The following ANKS1B variants were observed in gnomAD, a reference collection of about 807,000 sequenced individuals.
ANKS1B encodes ankyrin repeat and sterile alpha motif domain containing 1B.
ANKS1B carries 36 observed loss-of-function variants against 148.3 expected under a neutral mutation model. The observed-to-expected ratio is 0.24, with a 90% CI of 0.19 to 0.32. The LOEUF is 0.32. Ranked by LOEUF, ANKS1B falls within the 10% of genes least tolerant of loss-of-function variation. The pLI is 1.00. For synonymous variants in ANKS1B, 542 were observed against 560.8 expected (o/e 0.97, Z 0.47); for missense variants, 1,157 against 1,542.6 (o/e 0.75, Z 4.19).
intron 17 of ANKS1B, among the ~76,000 whole-genome samples, chr12:98,869,170 G>A (rs75313057): frequency 6.6e-6 from 1 of 152,134 alleles, no homozygotes; most frequent in Non-Finnish European, 1.5e-5. Flanking sequence ...TAAGCTCCAT[G>A]AGGAAGGAAT....
chr12:99,932,580 T>C lies in ANKS1B; in HGVS notation c.134+51524A>G, dbSNP rs190198887. On this transcript the variant is annotated intron_variant, in intron 1 of 26. Coordinates refer to ENST00000683438, the MANE Select transcript of ANKS1B (RefSeq NM_001352186.2). ...CTGCCATTTGTATGTCTTCTTTTGA[T>C]AAATGTCTTTTCAAATATTTTGCCA... Among the ~76,000 whole-genome samples, 331 of 152,298 alleles carry C rather than the reference T, an allele frequency of 2.2e-3. 1 individual carries two copies. Among genetic ancestry groups the C allele is most frequent in the African/African-American group, 7.7e-3 (319 of 41,574 alleles).
intron 12 of ANKS1B, among the ~76,000 whole-genome samples, chr12:99,249,400 C>A (rs534028287): frequency 6.6e-6 from 1 of 152,120 alleles, no homozygotes; most frequent in South Asian, 2.1e-4. Context: ...AATTACCACC[C>A]CACAATGCTT....
intron 22 of ANKS1B, among the ~76,000 whole-genome samples, chr12:98,798,379 C>T (rs767602079): frequency 4.6e-5 from 7 of 151,930 alleles, no homozygotes; most frequent in Non-Finnish European, 7.4e-5. Flanking sequence ...CCTTGACCTC[C>T]CAAAGTGCTG....
chr12:99,906,500 G>A (rs1287684697), intron 1 of ANKS1B, among the ~76,000 whole-genome samples: 7 of 152,076 alleles, frequency 4.6e-5, no homozygotes, highest in Admixed American at 1.3e-4. Context: ...CTCATTCTCC[G>A]CTGAACGGAA....
chr12:99,531,907 G>A (rs2096997113), intron 9 of ANKS1B, among the ~76,000 whole-genome samples: 1 of 152,178 alleles, frequency 6.6e-6, no homozygotes, highest in Admixed American at 6.5e-5. Context: ...TGACTAGGGT[G>A]ATCTTGTAGC....
intron 8 of ANKS1B, among the ~76,000 whole-genome samples, chr12:99,736,357 A>T (rs1303784642): frequency 8.1e-6 from 1 of 123,650 alleles, no homozygotes; most frequent in Non-Finnish European, 1.7e-5. Context: ...ATCAAAAGAA[A>T]CCACCACAAA....
chr12:99,972,501 A>G (rs1434537944), intron 1 of ANKS1B, among the ~76,000 whole-genome samples: 1 of 152,226 alleles, frequency 6.6e-6, no homozygotes, highest in Non-Finnish European at 1.5e-5. Context: ...CCTTAAGGCA[A>G]AGCCTAATCC....
intron 9 of ANKS1B, chr12:98,735,715 C>T: frequency 9.3e-6 from 6 of 642,778 alleles, no homozygotes; most frequent in South Asian, 7.1e-5. Flanking sequence ...GTACCATGTG[C>T]CTGGCATTGT....
rs564282189 is a variant in ANKS1B at position 98,919,213 on chromosome 12, T to C, written c.2779-87077A>G. 9.2e-5 allele frequency among the ~76,000 whole-genome samples: 14 copies of C among 152,348 alleles called. No homozygotes were observed. The South Asian group carries it at 2.1e-3, about 23-fold the overall frequency. The stretch of plus-strand genomic sequence containing the variant: ...AACTTTTCTGTTCACTTACAATTTA[T>C]TTTGGTGTATTTGAACCTTTATGAA... On this transcript the variant is annotated intron_variant, in intron 17 of 26. Transcript: ENST00000683438.
At chr12:99,182,521 C>T (rs1361365075) in intron 14 of ANKS1B, among the ~76,000 whole-genome samples, 5 of 152,108 alleles carry the variant, frequency 3.3e-5, no homozygotes, top group Non-Finnish European at 5.9e-5. Context: ...CTGAATAGTA[C>T]TCCATTGTGT....
chr12:99,545,125 G>A (rs1424885139), intron 9 of ANKS1B, among the ~76,000 whole-genome samples: 1 of 152,058 alleles, frequency 6.6e-6, no homozygotes, highest in Non-Finnish European at 1.5e-5. Context: ...TATATGATCC[G>A]TTCTTCATGA....
chr12:98,830,675 T>A (rs1039040137), intron 18 of ANKS1B, among the ~76,000 whole-genome samples: 1 of 152,030 alleles, frequency 6.6e-6, no homozygotes, highest in African/African-American at 2.4e-5. Context: ...AGAAAAGAAA[T>A]CAGAAGCAAG....
chr12:99,267,544 A>T (rs1417852576), intron 12 of ANKS1B, among the ~76,000 whole-genome samples: 1 of 122,382 alleles, frequency 8.2e-6, no homozygotes, highest in Non-Finnish European at 1.7e-5. Context: ...ATAAGAAAAT[A>T]AAGATTATTT....
chr12:99,707,552 CA>C (rs1397936630), intron 8 of ANKS1B, among the ~76,000 whole-genome samples: 3 of 151,970 alleles, frequency 2.0e-5, no homozygotes, highest in African/African-American at 7.3e-5. Context: ...CTAATTACAA[CA>C]CATTAAATAT....
intron 10 of ANKS1B, among the ~76,000 whole-genome samples, chr12:99,467,098 A>G (rs1444633966): frequency 3.3e-5 from 5 of 152,244 alleles, no homozygotes; most frequent in Non-Finnish European, 7.3e-5. Flanking sequence ...ACCATGATCA[A>G]GTGGGCTTCA....
At chr12:99,843,517 C>A (rs1001174619) in intron 1 of ANKS1B, among the ~76,000 whole-genome samples, 1 of 152,098 alleles carries the variant, frequency 6.6e-6, no homozygotes, top group Non-Finnish European at 1.5e-5. Flanking sequence ...ATTTGATTTT[C>A]TATTCCTGCA....
At chr12:99,136,728 G>T (rs2068209434) in intron 15 of ANKS1B, among the ~76,000 whole-genome samples, 1 of 152,206 alleles carries the variant, frequency 6.6e-6, no homozygotes, top group Admixed American at 6.5e-5. Context: ...TTTGCTTTTG[G>T]AGAGTGGGGC....
At chr12:99,941,708 T>C (rs565652755) in intron 1 of ANKS1B, among the ~76,000 whole-genome samples, 2 of 152,246 alleles carry the variant, frequency 1.3e-5, no homozygotes, top group East Asian at 1.9e-4. Flanking sequence ...AAAGGCATCA[T>C]AGAGGAAGGA....
chr12:99,026,842 C>A (rs1355257371), intron 17 of ANKS1B, among the ~76,000 whole-genome samples: 1 of 152,144 alleles, frequency 6.6e-6, no homozygotes, highest in East Asian at 1.9e-4. Flanking sequence ...ATTTGCATAA[C>A]AAAAGGACTC....
Sources: gnomAD v4.1 joint callset for allele counts (sites outside exome capture counted in the v4.1 genomes callset) on GRCh38, gnomAD v4.1.1 for gene constraint, MANE v1.5 for transcripts, NCBI Gene and HGNC (gene_info 2026-07-23, HGNC 2026-07-21) for gene names.